Variants in GLIS3 observed in about 807,000 individuals in gnomAD.
GLIS3 encodes zinc finger protein GLIS3.
In GLIS3, 53 loss-of-function variants were observed where a neutral mutation model predicts 78.6. The observed-to-expected ratio is 0.67, with a 90% CI of 0.54 to 0.85. The LOEUF is 0.85. GLIS3 is among the 40% of genes least tolerant of loss of function. The pLI, the probability that GLIS3 is intolerant of heterozygous loss-of-function variation, is 0.00. For synonymous variants in GLIS3, 684 were observed against 509.9 expected, an observed-to-expected ratio of 1.34 and a Z score of -4.60; for missense variants, 1,703 against 1,231.1, an observed-to-expected ratio of 1.38 and a Z score of -5.74.
the GLIS3 span, among the ~76,000 whole-genome samples, chr9:4,391,820 A>T: frequency 2.6e-5 from 4 of 152,212 alleles, no homozygotes; most frequent in African/African-American, 9.6e-5. Flanking sequence ...AATTAGTTCA[A>T]CCATTGTGGA....
intron 4 of GLIS3, chr9:4,306,113 T>C (rs1817221547): frequency 6.6e-6 from 1 of 152,206 alleles, no homozygotes; most frequent in Admixed American, 6.5e-5. Context: ...AGGATCTTGC[T>C]TTATCACCCA....
intron 2 of GLIS3, among the ~76,000 whole-genome samples, chr9:4,231,145 T>C (rs750879944): frequency 1.8e-4 from 27 of 152,088 alleles, no homozygotes; most frequent in Admixed American, 1.1e-3. Flanking sequence ...ATTTAAACAA[T>C]TATAAATTTA....
intron 2 of GLIS3, among the ~76,000 whole-genome samples, chr9:4,340,434 C>G (rs1156533565): frequency 6.6e-6 from 1 of 152,116 alleles, no homozygotes; most frequent in African/African-American, 2.4e-5. Context: ...ATGAAACATT[C>G]TTTTATTTTG....
chr9:4,346,451 T>C (rs890628275), intron 2 of GLIS3, among the ~76,000 whole-genome samples: 3 of 152,242 alleles, frequency 2.0e-5, no homozygotes, highest in Admixed American at 1.3e-4. Context: ...ATATGGCATC[T>C]TGATTTAGGA....
rs146062104 is a variant in GLIS3 at position 3,866,125 on chromosome 9, C to A, written c.2298-9941G>T. Among the ~76,000 whole-genome samples the A allele has an allele frequency of 3.9e-5, 6 of 152,286 alleles. No individual in the cohort carries two copies. The East Asian group carries it at 1.2e-3, about 29-fold the overall frequency. On this transcript the variant is annotated intron_variant, in intron 8 of 10. Transcript: ENST00000381971. ...ATGAGAGTAGTATTCTTGCTTCCAT[C>A]CACATTCATTCATTTCACAAAATTC...
At chr9:4,169,575 G>A (rs978279540) in intron 2 of GLIS3, among the ~76,000 whole-genome samples, 3 of 152,162 alleles carry the variant, frequency 2.0e-5, no homozygotes, top group African/African-American at 7.2e-5. Flanking sequence ...TGTATATTAG[G>A]TAACAGTATT....
intron 9 of GLIS3, among the ~76,000 whole-genome samples, chr9:3,836,281 T>G (rs1209423101): frequency 6.6e-6 from 1 of 152,370 alleles, no homozygotes; most frequent in Admixed American, 6.5e-5. Flanking sequence ...TATGGCTGTT[T>G]GCTAGCCAAG....
chr9:4,173,222 G>C (rs552939930), intron 2 of GLIS3, among the ~76,000 whole-genome samples: 4 of 152,130 alleles, frequency 2.6e-5, no homozygotes, highest in Non-Finnish European at 4.4e-5. Context: ...ATACAAGTGG[G>C]AAAAACAAGC....
the GLIS3 span, among the ~76,000 whole-genome samples, chr9:4,439,337 T>A: frequency 6.6e-6 from 1 of 152,216 alleles, no homozygotes. Context: ...TGTGCAGCCA[T>A]CTCCACGATC....
chr9:3,984,317 A>T (rs748859427), intron 4 of GLIS3, among the ~76,000 whole-genome samples: 8 of 152,228 alleles, frequency 5.3e-5, no homozygotes, highest in Admixed American at 6.5e-5. Flanking sequence ...CCGCAAAGCC[A>T]CGGGCAGAGC....
At chr9:4,310,915 C>G (rs1817341718) in intron 2 of GLIS3, among the ~76,000 whole-genome samples, 1 of 152,172 alleles carries the variant, frequency 6.6e-6, no homozygotes, top group Non-Finnish European at 1.5e-5. Flanking sequence ...AGGTCTTTGT[C>G]TAAAATCGTA....
chr9:4,070,716 T>C lies in GLIS3; in HGVS notation c.1710+47052A>G, dbSNP rs12006047. 7.2e-3 allele frequency among the ~76,000 whole-genome samples: 1,092 copies of C among 152,342 alleles called. 10 individuals carry two copies. The highest frequency in any genetic ancestry group is 0.025 in the African/African-American group (1,037 of 41,586). On this transcript the variant is annotated intron_variant, in intron 4 of 10. Transcript: ENST00000381971. The stretch of plus-strand genomic sequence containing the variant: ...TCTGCCCCAAATATCCAAATTGTTA[T>C]ATCCCAAAGCAAGTAATCAGCACTT...
rs1236038392 is a variant in GLIS3 at position 3,824,914 on chromosome 9, C to A, written c.*3358G>T. The A allele has an allele frequency of 1.1e-5, 1 of 94,476 alleles. No individual in the cohort carries two copies. The highest frequency in any genetic ancestry group is 4.1e-4 in the South Asian group (1 of 2,458). The allele number at this position is 94,476 out of a possible 1,614,324, so 5.9% of individuals were successfully genotyped here. A position where few individuals can be genotyped will look rare whatever the true frequency, so the allele number is the denominator to read the frequency against. On this transcript the variant is annotated 3_prime_UTR_variant, in exon 11 of 11. Transcript: ENST00000381971. ...GAGTGCTTTTTTTTTTTTGCTTCAT[C>A]TGTTGCAAAAAAAAAAAAAAATAAT...
intron 7 of GLIS3, among the ~76,000 whole-genome samples, chr9:3,885,635 G>A (rs1488623738): frequency 1.3e-5 from 2 of 152,172 alleles, no homozygotes; most frequent in Non-Finnish European, 2.9e-5. Context: ...AATGAAATCA[G>A]GGTAAATGAG....
intron 9 of GLIS3, among the ~76,000 whole-genome samples, chr9:3,838,146 G>A (rs770502057): frequency 4.6e-5 from 7 of 152,138 alleles, no homozygotes; most frequent in Non-Finnish European, 1.0e-4. Flanking sequence ...ATTCCATGAA[G>A]GCAGACACCT....
chr9:4,114,141 C>T (rs972113765), intron 4 of GLIS3, among the ~76,000 whole-genome samples: 3 of 152,152 alleles, frequency 2.0e-5, no homozygotes, highest in Admixed American at 1.3e-4. Flanking sequence ...GGTCCCTCTA[C>T]TCACTCTGCC....
the GLIS3 span, among the ~76,000 whole-genome samples, chr9:4,420,920 T>C: frequency 2.6e-5 from 4 of 152,226 alleles, no homozygotes; most frequent in South Asian, 2.1e-4. Context: ...AATAGAGCCT[T>C]CATTTTTGTA....
intron 9 of GLIS3, among the ~76,000 whole-genome samples, chr9:3,839,335 A>T (rs1240625316): frequency 6.6e-6 from 1 of 152,208 alleles, no homozygotes. Context: ...TGGGCAGCAG[A>T]ATGAAAACAG....
chr9:4,093,990 T>C (rs1829735433), intron 4 of GLIS3, among the ~76,000 whole-genome samples: 1 of 152,214 alleles, frequency 6.6e-6, no homozygotes, highest in African/African-American at 2.4e-5. Context: ...GAGTGATTCA[T>C]TGCTTTTTTT....
Sources: gnomAD v4.1 joint callset for allele counts (sites outside exome capture counted in the v4.1 genomes callset) on GRCh38, gnomAD v4.1.1 for gene constraint, MANE v1.5 for transcripts, NCBI Gene and HGNC (gene_info 2026-07-23, HGNC 2026-07-21) for gene names.